Variants in ROBO2 observed in about 807,000 individuals in gnomAD.
ROBO2 encodes roundabout guidance receptor 2.
ROBO2 carries 53 observed loss-of-function variants against 160.8 expected under a neutral mutation model. The observed-to-expected ratio is 0.33, with a 90% CI of 0.26 to 0.41. ROBO2 has a LOEUF of 0.41. ROBO2 is among the 10% of genes least tolerant of loss of function. The pLI, the probability that ROBO2 is intolerant of heterozygous loss-of-function variation, is 1.00. For missense variants in ROBO2, 1,577 were observed against 1,722.4 expected (o/e 0.92, Z 1.49); for synonymous variants, 664 against 611.7 (o/e 1.09, Z -1.26).
chr3:76,527,895 A>G (rs1351138410), intron 2 of ROBO2, among the ~76,000 whole-genome samples: 2 of 152,070 alleles, frequency 1.3e-5, no homozygotes, highest in Non-Finnish European at 2.9e-5. Context: ...TGTCAGACAA[A>G]AGGAATGGCA....
chr3:76,272,919 T>TATA lies in ROBO2; in HGVS notation c.109+335318_109+335320dup, dbSNP rs1559706308. Among the ~76,000 whole-genome samples the TATA allele has an allele frequency of 2.0e-3, 43 of 21,480 alleles. 2 individuals carry two copies. The highest frequency in any genetic ancestry group is 3.1e-3 in the Non-Finnish European group (25 of 7,974). The allele number at this position is 21,480 out of a possible 152,430, so 14.1% of individuals were successfully genotyped here. On this transcript the variant is annotated intron_variant, in intron 2 of 26. Coordinates refer to the ROBO2 transcript ENST00000487694. Reference sequence around the variant, plus strand: ...ATATAATATATATTTATATATAAAATATATATATTTATATATAAATATATA... The same window carrying TATA: ...ATATAATATATATTTATATATAAAATATAATATATATTTATATATAAATATATA...
chr3:76,338,259 C>T (rs1256854323), intron 2 of ROBO2, among the ~76,000 whole-genome samples: 1 of 152,186 alleles, frequency 6.6e-6, no homozygotes, highest in Non-Finnish European at 1.5e-5. Flanking sequence ...TTCTACCAAG[C>T]TGACCTGAAT....
rs9286680 is a variant in ROBO2 at position 77,474,657 on chromosome 3, T to TACACAC, written c.389-2728_389-2723dup. Among the ~76,000 whole-genome samples, 526 of 128,570 alleles carry TACACAC rather than the reference T, an allele frequency of 4.1e-3. 6 individuals carry two copies. Among genetic ancestry groups the TACACAC allele is most frequent in the Middle Eastern group, 0.017 (4 of 230 alleles). The allele number at this position is 128,570 out of a possible 152,430, so 84.3% of individuals were successfully genotyped here. ...TCTAGGGTAGAGGATTTAGGGGGAA[T>TACACAC]ACACACACACACACACACACACACA... On this transcript the variant is annotated intron_variant, in intron 2 of 25. Transcript: ENST00000461745.
exon 11 of ROBO2, chr3:77,563,179 C>T (rs1454029810): frequency 6.2e-7 from 1 of 1,613,128 alleles, no homozygotes. Context: ...TCTGGAGCAA[C>T]AATCAGTAAA....
chr3:77,550,821 C>T (rs751679919), exon 8 of ROBO2: 1 of 1,612,678 alleles, frequency 6.2e-7, no homozygotes, highest in Non-Finnish European at 8.5e-7. Flanking sequence ...TCCACAGAAC[C>T]TACTTTTCCC....
chr3:77,041,365 TC>T (rs1232166895), intron 1 of ROBO2, among the ~76,000 whole-genome samples: 1 of 152,106 alleles, frequency 6.6e-6, no homozygotes, highest in Non-Finnish European at 1.5e-5. Context: ...AGAATTTAGA[TC>T]CTAGGGAGAA....
intron 2 of ROBO2, among the ~76,000 whole-genome samples, chr3:77,115,242 TAAGTA>T (rs1202419531): frequency 6.6e-6 from 1 of 152,168 alleles, no homozygotes; most frequent in African/African-American, 2.4e-5. Context: ...ACTACACATG[TAAGTA>T]AAGTAATTTA....
At chr3:77,581,608 C>G (rs566061151) in intron 16 of ROBO2, among the ~76,000 whole-genome samples, 2 of 152,184 alleles carry the variant, frequency 1.3e-5, no homozygotes, top group South Asian at 4.1e-4. Flanking sequence ...TACTTTAATT[C>G]CCCTGAGGCC....
At position 77,562,748 on chromosome 3, in the gene ROBO2, A is replaced by G. The variant is rs2093362153; in HGVS notation, c.1519+16A>G. The G allele has an allele frequency of 1.3e-6, 2 of 1,584,760 alleles. No individual in the cohort carries two copies. Among genetic ancestry groups the G allele is most frequent in the Admixed American group, 1.7e-5 (1 of 59,788 alleles). On this transcript the variant is annotated intron_variant, in intron 10 of 25. Coordinates refer to ENST00000461745, the Ensembl canonical transcript of ROBO2. ...GATGTGACAGGTGAGGACTTTGTGA[A>G]TTAGGAGAAATCTTGGGCCCCTTTT...
At chr3:76,902,901 G>A (rs2075332678) in intron 2 of ROBO2, among the ~76,000 whole-genome samples, 1 of 151,490 alleles carries the variant, frequency 6.6e-6, no homozygotes, top group Non-Finnish European at 1.5e-5. Context: ...ATAATAATAG[G>A]CATTCTCATT....
chr3:77,168,895 C>T (rs2079361831), intron 2 of ROBO2, among the ~76,000 whole-genome samples: 1 of 152,152 alleles, frequency 6.6e-6, no homozygotes, highest in South Asian at 2.1e-4. Flanking sequence ...AGCTTTTACC[C>T]TCTCTCATCT....
rs2076603376 is a variant in ROBO2 at position 76,434,971 on chromosome 3, T to C, written c.109+497369T>C. On this transcript the variant is annotated intron_variant, in intron 2 of 26. Transcript: ENST00000487694. ...AAGAAGGAGCCAGCTGTACTTGAAC[T>C]GGAGGGTAAGAAGTGGAGAGTGGAA... The C allele has an allele frequency of 2.2e-5, 35 of 1,590,750 alleles. No individual in the cohort carries two copies. The South Asian group carries it at 3.5e-4, about 16-fold the overall frequency.
chr3:77,164,406 CCCGGCCAGCCGCCCCGT>C (rs1419677264), intron 2 of ROBO2, among the ~76,000 whole-genome samples: 3 of 92,844 alleles, frequency 3.2e-5, no homozygotes, highest in African/African-American at 8.8e-5. Context: ...CAGCCCCCCG[CCCGGCCAGCCGCCCCGT>C]CCGGGAGGGA....
chr3:76,521,965 TTGAG>T (rs2081644147), intron 2 of ROBO2, among the ~76,000 whole-genome samples: 1 of 152,320 alleles, frequency 6.6e-6, no homozygotes, highest in African/African-American at 2.4e-5. Context: ...AGTTAGCTGT[TTGAG>T]TGATCAAATC....
At chr3:76,435,298 A>G in intron 2 of ROBO2, 1 of 1,010,752 alleles carries the variant, frequency 9.9e-7, no homozygotes, top group East Asian at 2.4e-5. Flanking sequence ...GTCAGTGCCA[A>G]ATCTTCCTAG....
chr3:76,506,716 C>T (rs75193680), intron 2 of ROBO2, among the ~76,000 whole-genome samples: 3,310 of 152,190 alleles, frequency 0.022, 56 homozygotes, highest in Middle Eastern at 0.065. Flanking sequence ...TCACTGTTAG[C>T]GTACCCTGGC....
chr3:76,477,022 T>C (rs1560012137), intron 2 of ROBO2, among the ~76,000 whole-genome samples: 1 of 152,170 alleles, frequency 6.6e-6, no homozygotes, highest in Non-Finnish European at 1.5e-5. Context: ...ATTGGACATA[T>C]GACCTATAAC....
chr3:77,418,560 T>C (rs1476349641), intron 2 of ROBO2, among the ~76,000 whole-genome samples: 2 of 152,096 alleles, frequency 1.3e-5, no homozygotes, highest in Non-Finnish European at 2.9e-5. Flanking sequence ...TCTCAAATAT[T>C]GTGTAACACC....
At chr3:76,678,216 C>G (rs1384759476) in intron 2 of ROBO2, among the ~76,000 whole-genome samples, 1 of 152,132 alleles carries the variant, frequency 6.6e-6, no homozygotes, top group Non-Finnish European at 1.5e-5. Flanking sequence ...GGTGATCTGA[C>G]CGCCTCGACT....
Sources: allele counts gnomAD v4.1 joint callset (sites outside exome capture counted in the v4.1 genomes callset), GRCh38; gene constraint gnomAD v4.1.1; transcripts MANE v1.5; gene names NCBI Gene and HGNC (gene_info 2026-07-23, HGNC 2026-07-21).